The following RBPJ variants were observed in gnomAD, a reference collection of about 807,000 sequenced individuals.
The protein encoded by RBPJ is recombining binding protein suppressor of hairless.
In RBPJ, 9 loss-of-function variants were observed where a neutral mutation model predicts 67.8. That is an observed-to-expected ratio of 0.13 (90% CI 0.08 to 0.23). The LOEUF (loss-of-function observed/expected upper bound fraction) is 0.23. RBPJ is among the 10% of genes least tolerant of loss of function. The probability of loss-of-function intolerance (pLI) is 1.00; values close to 1 mark genes in which losing one functional copy is unlikely to be tolerated. For synonymous variants in RBPJ, 198 were observed against 203.3 expected, an observed-to-expected ratio of 0.97 and a Z score of 0.22; for missense variants, 305 against 595.6, an observed-to-expected ratio of 0.51 and a Z score of 5.08.
At chr4:26,388,813 G>T (rs527483607) in intron 2 of RBPJ, among the ~76,000 whole-genome samples, 3 of 152,294 alleles carry the variant, frequency 2.0e-5, no homozygotes, top group Admixed American at 6.5e-5. Context: ...ATGTTTTATT[G>T]TCAGGTGACC....
At chr4:26,315,192 A>G (rs1164187307), upstream of RBPJ, among the ~76,000 whole-genome samples, 3 of 87,658 alleles carry the variant, frequency 3.4e-5, no homozygotes, top group African/African-American at 1.1e-4. Context: ...ATATATATAT[A>G]TGTATGTATA....
rs902605177 is a variant in RBPJ at position 26,392,052 on chromosome 4, A to T, written c.59+5661A>T. 9.8e-5 allele frequency among the ~76,000 whole-genome samples: 15 copies of T among 152,306 alleles called. 1 individual carries two copies. Among genetic ancestry groups the T allele is most frequent in the Admixed American group, 5.9e-4 (9 of 15,288 alleles). ...TTGAAGGCTCCATCCTCATGACCTC[A>T]TCACCTCCCAGATGCCCCACCTCCT... is the stretch of plus-strand genomic sequence containing the variant. On this transcript the variant is annotated intron_variant, in intron 2 of 10. Transcript: ENST00000355476.
chr4:26,221,341 C>T (rs1432195632), intron 1 of RBPJ, among the ~76,000 whole-genome samples: 3 of 152,200 alleles, frequency 2.0e-5, no homozygotes, highest in African/African-American at 7.2e-5. Context: ...CCACCCGCCT[C>T]CGCCTCTCAA....
At chr4:26,376,102 TA>T (rs1466612392) in intron 1 of RBPJ, among the ~76,000 whole-genome samples, 5 of 152,186 alleles carry the variant, frequency 3.3e-5, no homozygotes, top group African/African-American at 1.2e-4. Context: ...AAACTAAATA[TA>T]TTTTTTTGTG....
At chr4:26,109,460 C>CTCTCTCTCTCTCTCTA in the RBPJ span, among the ~76,000 whole-genome samples, 1 of 14,690 alleles carries the variant, frequency 6.8e-5, no homozygotes, top group Non-Finnish European at 1.2e-4. Flanking sequence ...CTCTCTCTCT[C>CTCTCTCTCTCTCTCTA]TATATATATA....
At chr4:26,110,789 A>G in the RBPJ span, among the ~76,000 whole-genome samples, 1 of 151,998 alleles carries the variant, frequency 6.6e-6, no homozygotes, top group African/African-American at 2.4e-5. This position sits in a 1 kb window ranked among gnomAD's most constrained non-coding sequence, Gnocchi z 4.5. Flanking sequence ...TGGCTTCCAT[A>G]ATGCTGGTGT....
intron 1 of RBPJ, among the ~76,000 whole-genome samples, chr4:26,181,015 G>T (rs1553846265): frequency 6.6e-6 from 1 of 151,950 alleles, no homozygotes; most frequent in Non-Finnish European, 1.5e-5. Flanking sequence ...ATGTTCTTTT[G>T]CCTGCCACCA....
chr4:26,249,875 T>A (rs1720048361), intron 1 of RBPJ, among the ~76,000 whole-genome samples: 1 of 150,786 alleles, frequency 6.6e-6, no homozygotes, highest in African/African-American at 2.4e-5. Context: ...AACCTCTGCT[T>A]CCCAGGTTCA....
the RBPJ span, among the ~76,000 whole-genome samples, chr4:26,139,579 C>G: frequency 6.6e-6 from 1 of 152,230 alleles, no homozygotes; most frequent in African/African-American, 2.4e-5. Context: ...TGAGCCTTAC[C>G]CAGGAGCACT....
At chr4:26,279,488 C>T (rs998097320) in intron 1 of RBPJ, among the ~76,000 whole-genome samples, 4 of 152,016 alleles carry the variant, frequency 2.6e-5, no homozygotes, top group Admixed American at 1.3e-4. Context: ...ATGTTGGCCA[C>T]GATGGTCTCA....
intron 1 of RBPJ, among the ~76,000 whole-genome samples, chr4:26,178,747 G>A (rs906923790): frequency 4.6e-5 from 7 of 151,490 alleles, no homozygotes; most frequent in Non-Finnish European, 7.4e-5. Context: ...CACCGAGAAC[G>A]GGATGCTCAA....
chr4:26,114,497 A>ATATATATGTGTGTG, the RBPJ span, among the ~76,000 whole-genome samples: 1 of 140,038 alleles, frequency 7.1e-6, no homozygotes, highest in African/African-American at 2.8e-5. Context: ...ATATATATAT[A>ATATATATGTGTGTG]TGTATGTGTG....
At chr4:26,351,780 C>T (rs1726828537) in intron 1 of RBPJ, among the ~76,000 whole-genome samples, 1 of 152,210 alleles carries the variant, frequency 6.6e-6, no homozygotes, top group African/African-American at 2.4e-5. Flanking sequence ...GTATATCTTC[C>T]TGTATGAGCT....
intron 1 of RBPJ, among the ~76,000 whole-genome samples, chr4:26,211,173 C>T (rs1577476318): frequency 6.6e-6 from 1 of 152,208 alleles, no homozygotes; most frequent in Non-Finnish European, 1.5e-5. Flanking sequence ...ATAGAAAGTA[C>T]CATATGCACG....
upstream of RBPJ, among the ~76,000 whole-genome samples, chr4:26,317,188 A>G (rs1722679798): frequency 6.6e-6 from 1 of 151,756 alleles, no homozygotes; most frequent in African/African-American, 2.4e-5. Context: ...GGTGCCATGG[A>G]CAAAATCAAG....
chr4:26,225,415 T>C (rs554050472), intron 1 of RBPJ, among the ~76,000 whole-genome samples: 1 of 152,276 alleles, frequency 6.6e-6, no homozygotes, highest in South Asian at 2.1e-4. Flanking sequence ...GGGAAAATAA[T>C]GGAGACAGTA....
chr4:26,251,256 G>T (rs1005153403), intron 1 of RBPJ, among the ~76,000 whole-genome samples: 3 of 152,124 alleles, frequency 2.0e-5, no homozygotes, highest in African/African-American at 7.2e-5. Flanking sequence ...CACACCAGAT[G>T]ACATCATGTG....
chr4:26,203,566 A>G (rs897273769), intron 1 of RBPJ, among the ~76,000 whole-genome samples: 1 of 152,004 alleles, frequency 6.6e-6, no homozygotes, highest in Non-Finnish European at 1.5e-5. Flanking sequence ...ACTTCTCTCT[A>G]TTGTGTTCAT....
chr4:26,334,181 T>A (rs1162246437), intron 1 of RBPJ, among the ~76,000 whole-genome samples: 1 of 151,770 alleles, frequency 6.6e-6, no homozygotes, highest in Non-Finnish European at 1.5e-5. Flanking sequence ...GCTGGGATTA[T>A]AGGCGCCCAC....
Sources: gnomAD v4.1 joint callset for allele counts (sites outside exome capture counted in the v4.1 genomes callset) on GRCh38, gnomAD v4.1.1 for gene constraint, Gnocchi (gnomAD v3.1) non-coding constraint, MANE v1.5 for transcripts, NCBI Gene and HGNC (gene_info 2026-07-23, HGNC 2026-07-21) for gene names.